EXT1: variants seen among roughly 807,000 people sequenced by gnomAD.
EXT1 encodes the protein exostosin-1.
A neutral mutation model predicts 82.5 loss-of-function variants in EXT1; 20 were observed. That is an observed-to-expected ratio of 0.24 (90% CI 0.17 to 0.35). The LOEUF (loss-of-function observed/expected upper bound fraction) is 0.35, where lower values mean the gene tolerates loss of function less well. Among genes scored for constraint, EXT1 ranks in the 10% least tolerant of loss-of-function variants. The pLI, the probability that EXT1 is intolerant of heterozygous loss-of-function variation, is 1.00. For missense variants in EXT1, 757 were observed against 936.5 expected (o/e 0.81, Z 2.50); for synonymous variants, 348 against 350.8 (o/e 0.99, Z 0.09).
chr8:117,992,174 C>CTCACT (rs1290372506), intron 1 of EXT1, among the ~76,000 whole-genome samples: 1 of 152,086 alleles, frequency 6.6e-6, no homozygotes, highest in East Asian at 1.9e-4. Flanking sequence ...ATCTCCCTCC[C>CTCACT]TCACTTCACT....
intron 1 of EXT1, among the ~76,000 whole-genome samples, chr8:118,078,347 G>A (rs1211978868): frequency 1.3e-5 from 2 of 152,058 alleles, no homozygotes; most frequent in Non-Finnish European, 2.9e-5. Flanking sequence ...CACAGGCACA[G>A]GCCACCATGC....
At chr8:118,039,445 A>G (rs1198438150) in intron 1 of EXT1, among the ~76,000 whole-genome samples, 1 of 150,352 alleles carries the variant, frequency 6.7e-6, no homozygotes, top group Non-Finnish European at 1.5e-5. Flanking sequence ...CTGTAATCCC[A>G]GTTACTTGGG....
chr8:117,972,656 T>A (rs1265130716), intron 1 of EXT1, among the ~76,000 whole-genome samples: 4 of 152,174 alleles, frequency 2.6e-5, no homozygotes, highest in Admixed American at 2.6e-4. Flanking sequence ...CTAATAAAGA[T>A]GGGTAATTTA....
At chr8:117,808,752 C>T (rs561953432) in intron 8 of EXT1, among the ~76,000 whole-genome samples, 4 of 152,170 alleles carry the variant, frequency 2.6e-5, no homozygotes, top group Admixed American at 1.3e-4. Flanking sequence ...TGTGAGTATA[C>T]CATGAAGTGC....
intron 1 of EXT1, among the ~76,000 whole-genome samples, chr8:118,041,660 G>C (rs923646125): frequency 9.9e-6 from 1 of 101,346 alleles, no homozygotes; most frequent in Middle Eastern, 4.8e-3. Flanking sequence ...AAGAAAGAGA[G>C]AGAAAGAAGG....
intron 1 of EXT1, among the ~76,000 whole-genome samples, chr8:118,042,039 T>C (rs1481679099): frequency 6.6e-6 from 1 of 152,080 alleles, no homozygotes; most frequent in Admixed American, 6.5e-5. Flanking sequence ...TGAGGAGCTC[T>C]GGCCAGCTGC....
intron 1 of EXT1, among the ~76,000 whole-genome samples, chr8:117,846,319 G>C (rs1812360469): frequency 6.6e-6 from 1 of 152,032 alleles, no homozygotes; most frequent in African/African-American, 2.4e-5. Flanking sequence ...TGTTGGTCAG[G>C]CTGGTCTTGA....
intron 1 of EXT1, among the ~76,000 whole-genome samples, chr8:118,069,452 C>T (rs1311662295): frequency 2.0e-5 from 3 of 152,168 alleles, no homozygotes; most frequent in Non-Finnish European, 4.4e-5. Context: ...CTGCTAAGCA[C>T]CCCCTCCCAC....
At chr8:117,801,007 A>G (rs1219398207) in intron 10 of EXT1, among the ~76,000 whole-genome samples, 1 of 152,256 alleles carries the variant, frequency 6.6e-6, no homozygotes, top group Non-Finnish European at 1.5e-5. Context: ...TTAATGATGT[A>G]TATGTATGCA....
intron 1 of EXT1, among the ~76,000 whole-genome samples, chr8:118,033,566 C>T (rs1177142125): frequency 1.3e-5 from 2 of 152,130 alleles, no homozygotes; most frequent in Non-Finnish European, 2.9e-5. Context: ...GTAGCCTTGA[C>T]CTCCTGGGCT....
intron 1 of EXT1, among the ~76,000 whole-genome samples, chr8:117,966,767 C>A (rs1200785493): frequency 1.3e-5 from 2 of 152,190 alleles, no homozygotes; most frequent in Non-Finnish European, 2.9e-5. Flanking sequence ...TATCCACTGA[C>A]AACTTTGATG....
At chr8:117,848,250 A>G (rs966877783) in intron 1 of EXT1, among the ~76,000 whole-genome samples, 1 of 152,208 alleles carries the variant, frequency 6.6e-6, no homozygotes, top group Non-Finnish European at 1.5e-5. Context: ...ATTTGATGCC[A>G]CATATTATTG....
chr8:117,896,280 T>G (rs1813334058), intron 1 of EXT1, among the ~76,000 whole-genome samples: 1 of 152,228 alleles, frequency 6.6e-6, no homozygotes, highest in Non-Finnish European at 1.5e-5. Flanking sequence ...ACAATGCAAA[T>G]CATCATCTTT....
chr8:117,940,233 G>A (rs1814245323), intron 1 of EXT1, among the ~76,000 whole-genome samples: 1 of 152,244 alleles, frequency 6.6e-6, no homozygotes, highest in Admixed American at 6.5e-5. Context: ...CAGGCTACCT[G>A]CCCAGGCTGA....
intron 10 of EXT1, among the ~76,000 whole-genome samples, chr8:117,801,228 C>T (rs1465809691): frequency 6.6e-6 from 1 of 152,204 alleles, no homozygotes; most frequent in Non-Finnish European, 1.5e-5. Context: ...TCATGGAGTT[C>T]ATTTGAATCT....
chr8:117,861,110 G>C (rs769531724), intron 1 of EXT1, among the ~76,000 whole-genome samples: 19 of 152,150 alleles, frequency 1.2e-4, no homozygotes, highest in Non-Finnish European at 2.6e-4. Context: ...GGTCCTCATG[G>C]AAACATATCT....
At chr8:117,912,488 C>A (rs1311223177) in intron 1 of EXT1, among the ~76,000 whole-genome samples, 2 of 152,136 alleles carry the variant, frequency 1.3e-5, no homozygotes, top group African/African-American at 4.8e-5. Flanking sequence ...TAATTAATTT[C>A]AGTGGTCTTC....
At chr8:118,051,816 T>C (rs540985323) in intron 1 of EXT1, among the ~76,000 whole-genome samples, 9 of 152,330 alleles carry the variant, frequency 5.9e-5, no homozygotes, top group South Asian at 4.1e-4. Context: ...ATATACTGTC[T>C]CTTCTGGCTT....
At chr8:118,108,165 G>A (rs188176964) in intron 1 of EXT1, among the ~76,000 whole-genome samples, 1 of 152,264 alleles carries the variant, frequency 6.6e-6, no homozygotes, top group African/African-American at 2.4e-5. Flanking sequence ...CCATTCCACA[G>A]AAAACGTAGA....
Sources: allele counts gnomAD v4.1 joint callset (sites outside exome capture counted in the v4.1 genomes callset), GRCh38; gene constraint gnomAD v4.1.1; transcripts MANE v1.5; gene names NCBI Gene and HGNC (gene_info 2026-07-23, HGNC 2026-07-21).